Variants in RBM19 observed in about 807,000 individuals in gnomAD.
The protein encoded by RBM19 is probable RNA-binding protein 19.
A neutral mutation model predicts 116.8 loss-of-function variants in RBM19; 94 were observed. The ratio of observed to expected loss-of-function variants is 0.80; its 90% CI spans 0.68 to 0.95. The LOEUF is 0.95. Ranked by LOEUF, RBM19 falls within the 40% of genes least tolerant of loss-of-function variation. The pLI is 0.00. For missense variants in RBM19, 1,161 were observed against 1,220.7 expected (o/e 0.95, Z 0.73); for synonymous variants, 475 against 494.1 (o/e 0.96, Z 0.51).
chr12:113,842,788 G>C (rs1255683287), intron 23 of RBM19, among the ~76,000 whole-genome samples: 3 of 152,152 alleles, frequency 2.0e-5, no homozygotes, highest in Non-Finnish European at 4.4e-5. Context: ...ATTCTATCTG[G>C]GTTTTGAAGG....
intron 22 of RBM19, among the ~76,000 whole-genome samples, chr12:113,849,552 G>A (rs532573551): frequency 6.6e-6 from 1 of 152,258 alleles, no homozygotes; most frequent in Non-Finnish European, 1.5e-5. Flanking sequence ...TTGGCCTTTT[G>A]AAACGATACA....
chr12:113,929,287 T>C (rs780260469), intron 16 of RBM19, among the ~76,000 whole-genome samples: 1 of 152,214 alleles, frequency 6.6e-6, no homozygotes, highest in Non-Finnish European at 1.5e-5. Context: ...TCGACCACTT[T>C]GTCATAAAAC....
At chr12:113,959,719 G>T in intron 4 of RBM19, 146 bp downstream of exon 4, 1 of 1,040,596 alleles carries the variant, frequency 9.6e-7, no homozygotes, top group Non-Finnish European at 1.4e-6. Flanking sequence ...ACCCTCTCCA[G>T]CCTCTTCCCT....
intron 2 of RBM19, 125 bp from the exon 3 acceptor site, chr12:113,960,303 A>G (rs1481251037): frequency 8.0e-7 from 1 of 1,251,552 alleles, no homozygotes; most frequent in Non-Finnish European, 1.1e-6. Flanking sequence ...TTGCTGAAGT[A>G]GATTACACGT....
intron 23 of RBM19, among the ~76,000 whole-genome samples, chr12:113,823,809 A>C (rs1039449080): frequency 6.6e-5 from 10 of 152,286 alleles, no homozygotes; most frequent in African/African-American, 2.4e-4. Flanking sequence ...GGCTGGACCA[A>C]GCAGTGGACA....
At chr12:113,821,944 C>T (rs764350232), downstream of RBM19, 1 of 152,122 alleles carries the variant, frequency 6.6e-6, no homozygotes, top group Non-Finnish European at 1.5e-5. Flanking sequence ...AGACTGGAAC[C>T]TCATCCCCAC....
chr12:113,952,466 T>G, intron 8 of RBM19, 46 bp downstream of exon 8: 1 of 1,533,708 alleles, frequency 6.5e-7, no homozygotes, highest in African/African-American at 1.4e-5. Flanking sequence ...ACCTTCAATC[T>G]TCACTGTCTA....
At chr12:113,820,931 G>A (rs1874373707), downstream of RBM19, among the ~76,000 whole-genome samples, 1 of 152,192 alleles carries the variant, frequency 6.6e-6, no homozygotes, top group Non-Finnish European at 1.5e-5. Flanking sequence ...TGGCCACAGG[G>A]AAGGCAGTGA....
intron 21 of RBM19, among the ~76,000 whole-genome samples, chr12:113,859,797 G>C (rs1593494723): frequency 6.6e-6 from 1 of 152,078 alleles, no homozygotes; most frequent in Non-Finnish European, 1.5e-5. Context: ...CATCTGAAGA[G>C]AGGTATTATT....
chr12:113,955,815 T>C lies in RBM19; in HGVS notation c.841-604A>G, dbSNP rs531488798. On this transcript the variant is annotated intron_variant, in intron 6 of 23. Coordinates refer to ENST00000261741, the MANE Select transcript of RBM19 (RefSeq NM_016196.4). ...CACGCAGCGCAAGCAGTCTTGTCCA[T>C]GCGTTGCAGAAATGTGACTGCGCTT... is the stretch of plus-strand genomic sequence containing the variant. 7.9e-5 allele frequency among the ~76,000 whole-genome samples: 12 copies of C among 152,326 alleles called. No individual in the cohort carries two copies. In the South Asian group the frequency reaches 2.1e-3, roughly 26 times the overall value.
intron 21 of RBM19, among the ~76,000 whole-genome samples, chr12:113,891,894 C>T (rs1020214136): frequency 3.3e-5 from 5 of 152,210 alleles, no homozygotes; most frequent in Non-Finnish European, 5.9e-5. Flanking sequence ...CCTCTGTCTT[C>T]CCGCTCATTT....
intron 22 of RBM19, among the ~76,000 whole-genome samples, chr12:113,856,214 G>C (rs11066791): frequency 0.15 from 23,324 of 152,196 alleles, 2,245 homozygotes; most frequent in East Asian, 0.36. Flanking sequence ...AAGGGATGGA[G>C]GGGGAGGAGC....
chr12:113,889,716 A>G (rs1880815076), intron 21 of RBM19, among the ~76,000 whole-genome samples: 1 of 152,076 alleles, frequency 6.6e-6, no homozygotes, highest in South Asian at 2.1e-4. Context: ...ACAAACAACG[A>G]ATTTTAAACT....
At position 113,945,866 on chromosome 12, in the gene RBM19, G is replaced by C; in HGVS notation, c.1588C>G (p.Gln530Glu). 6.3e-7 allele frequency: 1 copy of C among 1,590,562 alleles called. No individual in the cohort carries two copies. The highest frequency in any genetic ancestry group is 8.6e-7 in the Non-Finnish European group (1 of 1,158,608). Residue 530 changes from glutamine (Q) to glutamate (E), a missense_variant, in exon 13 of 24, where the codon CAG (glutamine) becomes GAG (glutamate). Physicochemically the swap from Gln to Glu is conservative, Grantham distance 29. Transcript: ENST00000261741. ...GPNAVADAIA[Q>E]KYNATKSQVF... Reference sequence around the variant, plus strand: ...TGACTCTTGGTGGCGTTGTACTTCTGTGCGATGGCATCGGCCACGGCATTC... The same window carrying C: ...TGACTCTTGGTGGCGTTGTACTTCTCTGCGATGGCATCGGCCACGGCATTC...
At chr12:113,899,926 T>G (rs1566004580) in intron 21 of RBM19, among the ~76,000 whole-genome samples, 1 of 152,046 alleles carries the variant, frequency 6.6e-6, no homozygotes. Flanking sequence ...GAAAAGGCTC[T>G]GAATGCAGAC....
chr12:113,841,626 T>C (rs1876485382), intron 23 of RBM19, among the ~76,000 whole-genome samples: 1 of 152,126 alleles, frequency 6.6e-6, no homozygotes, highest in Admixed American at 6.5e-5. Context: ...GGTTTCACCA[T>C]GTTGGCCAGG....
chr12:113,900,218 A>T (rs1881601654), intron 21 of RBM19, among the ~76,000 whole-genome samples: 1 of 152,246 alleles, frequency 6.6e-6, no homozygotes, highest in African/African-American at 2.4e-5. Flanking sequence ...TTAATTATTT[A>T]TTTTTTTAAG....
chr12:113,895,204 T>A (rs963721495), intron 21 of RBM19, among the ~76,000 whole-genome samples: 5 of 152,220 alleles, frequency 3.3e-5, no homozygotes, highest in Non-Finnish European at 7.3e-5. Flanking sequence ...AAAGTGGCCA[T>A]CTATGGTATT....
At chr12:113,882,676 GGGTGGCTCCAAGGAGCGGCTT>G (rs1329143218) in intron 21 of RBM19, among the ~76,000 whole-genome samples, 1 of 152,160 alleles carries the variant, frequency 6.6e-6, no homozygotes, top group Non-Finnish European at 1.5e-5. Flanking sequence ...CCGAGCCCAG[GGGTGGCTCCAAGGAGCGGCTT>G]GGGGTATCTT....
Sources: allele counts gnomAD v4.1 joint callset (sites outside exome capture counted in the v4.1 genomes callset), GRCh38; gene constraint gnomAD v4.1.1; transcripts MANE v1.5; gene names NCBI Gene and HGNC (gene_info 2026-07-23, HGNC 2026-07-21).